The following CTNNA3 variants were observed in gnomAD, a reference collection of about 807,000 sequenced individuals.
CTNNA3 encodes the protein catenin alpha 3.
A neutral mutation model predicts 95.7 loss-of-function variants in CTNNA3; 76 were observed. The observed-to-expected ratio is 0.79, with a 90% confidence interval of 0.66 to 0.96. The LOEUF (loss-of-function observed/expected upper bound fraction) is 0.96. CTNNA3 is among the 40% of genes least tolerant of loss of function. The pLI, the probability that CTNNA3 is intolerant of heterozygous loss-of-function variation, is 0.00. For missense variants in CTNNA3, 1,191 were observed against 1,089.8 expected, an observed-to-expected ratio of 1.09 and a Z score of -1.31; for synonymous variants, 431 against 374.4, an observed-to-expected ratio of 1.15 and a Z score of -1.74.
chr10:67,407,742 C>T (rs139933778), intron 5 of CTNNA3, among the ~76,000 whole-genome samples: 23 of 152,184 alleles, frequency 1.5e-4, no homozygotes, highest in South Asian at 8.3e-4. Context: ...AATCAATGTG[C>T]GAAAATCACT....
chr10:67,283,839 C>T (rs1028136081), intron 5 of CTNNA3, among the ~76,000 whole-genome samples: 2 of 152,142 alleles, frequency 1.3e-5, no homozygotes, highest in Non-Finnish European at 2.9e-5. Flanking sequence ...TGTTTGGACT[C>T]GCCACCACTA....
At chr10:66,334,395 C>T (rs1192638795) in intron 12 of CTNNA3, among the ~76,000 whole-genome samples, 2 of 151,694 alleles carry the variant, frequency 1.3e-5, no homozygotes, top group East Asian at 1.9e-4. Context: ...GTAGTGCTTC[C>T]TTCAGGAGCT....
At chr10:66,995,996 T>C (rs1221414577) in intron 7 of CTNNA3, among the ~76,000 whole-genome samples, 7 of 152,222 alleles carry the variant, frequency 4.6e-5, no homozygotes, top group Non-Finnish European at 7.3e-5. Context: ...CTTACTATTA[T>C]ATCCTACACA....
chr10:66,302,216 A>C lies in CTNNA3; in HGVS notation c.1733-21595T>G, dbSNP rs10997046. On this transcript the variant is annotated intron_variant, in intron 12 of 17. Transcript: ENST00000433211. ...GAGTTCCGGTGCCTAGATAGGACTC[A>C]GTATGGTCTAGATGTCAGTCTTTCC... 4.6e-5 allele frequency among the ~76,000 whole-genome samples: 7 copies of C among 151,946 alleles called. No individual in the cohort carries two copies. The East Asian group carries it at 1.3e-3, about 29-fold the overall frequency.
intron 12 of CTNNA3, among the ~76,000 whole-genome samples, chr10:66,328,911 C>CATACATATATATATATATATAT (rs1554935013): frequency 6.9e-5 from 6 of 86,472 alleles, no homozygotes; most frequent in Non-Finnish European, 1.2e-4. Context: ...CACATATATA[C>CATACATATATATATATATATAT]ATATATATAT....
At chr10:66,778,925 G>A (rs1278573638) in intron 7 of CTNNA3, among the ~76,000 whole-genome samples, 3 of 152,152 alleles carry the variant, frequency 2.0e-5, no homozygotes, top group Non-Finnish European at 2.9e-5. Context: ...GCAGTGAGCC[G>A]AGATCGCGCC....
intron 15 of CTNNA3, among the ~76,000 whole-genome samples, chr10:66,023,357 T>C (rs1354429836): frequency 6.6e-6 from 1 of 151,800 alleles, no homozygotes; most frequent in Admixed American, 6.6e-5. Flanking sequence ...ACTTGTTACT[T>C]ATCTGTTAAC....
intron 5 of CTNNA3, among the ~76,000 whole-genome samples, chr10:67,446,611 T>A (rs1382025678): frequency 6.6e-6 from 1 of 152,216 alleles, no homozygotes; most frequent in Non-Finnish European, 1.5e-5. Flanking sequence ...GTAAGTACTT[T>A]CTTCTCGCTT....
chr10:67,047,085 G>A (rs1416002793), intron 7 of CTNNA3, among the ~76,000 whole-genome samples: 1 of 152,160 alleles, frequency 6.6e-6, no homozygotes, highest in Non-Finnish European at 1.5e-5. Context: ...CCAGAGATGA[G>A]TTTAGACAGA....
rs370224610 is a variant in CTNNA3 at position 67,061,902 on chromosome 10, A to G, written c.1047+118415T>C. ...GTTCTAGATTCATGCAGAGTTTTAT[A>G]GAATTGGTGCAAAGTATTAGAAAAT... On this transcript the variant is annotated intron_variant, in intron 7 of 17. Coordinates refer to ENST00000433211, the MANE Select transcript of CTNNA3 (RefSeq NM_013266.4). Among the ~76,000 whole-genome samples the G allele has an allele frequency of 3.7e-4, 57 of 152,308 alleles. 2 individuals are homozygous for G. The South Asian group carries it at 0.012, about 32-fold the overall frequency.
intron 5 of CTNNA3, among the ~76,000 whole-genome samples, chr10:67,403,196 A>T (rs1359136614): frequency 1.3e-5 from 2 of 151,902 alleles, no homozygotes; most frequent in Non-Finnish European, 2.9e-5. Context: ...TGGCCAGACT[A>T]CTTCTTTAAG....
intron 6 of CTNNA3, among the ~76,000 whole-genome samples, chr10:67,184,571 GTTAA>G (rs1219779776): frequency 2.6e-5 from 4 of 152,164 alleles, no homozygotes; most frequent in East Asian, 1.9e-4. Flanking sequence ...TGTTTGTGCT[GTTAA>G]TTGTCAGTCC....
chr10:67,562,636 C>T (rs1841563095), intron 3 of CTNNA3, among the ~76,000 whole-genome samples: 1 of 152,084 alleles, frequency 6.6e-6, no homozygotes, highest in Non-Finnish European at 1.5e-5. Flanking sequence ...AAGTTCTGGC[C>T]AGGGCAATCA....
Position 66,379,241 on chromosome 10 carries a change from G to A in CTNNA3, c.1643C>T (p.Ala548Val), listed in dbSNP as rs761169306. The A allele has an allele frequency of 6.3e-5, 102 of 1,614,144 alleles. 4 individuals carry two copies. The South Asian group carries it at 1.1e-3, about 18-fold the overall frequency. Residue 548 changes from alanine to valine, a missense_variant, in exon 12 of 18, where the codon GCT becomes GTT. Physicochemically the swap from Ala to Val is moderately conservative, Grantham distance 64. Transcript: ENST00000433211. Reference protein sequence around the residue: ...GAIRGRAARVAHIVTGEMDSY... With the variant: ...GAIRGRAARVVHIVTGEMDSY... The stretch of plus-strand genomic sequence containing the variant: ...GTCCATTTCACCCGTGACGATGTGA[G>A]CAACTCTTGCTGCCCGGCCTCTGAT...
intron 13 of CTNNA3, among the ~76,000 whole-genome samples, chr10:66,117,101 G>A (rs1235938367): frequency 6.6e-6 from 1 of 152,156 alleles, no homozygotes; most frequent in Non-Finnish European, 1.5e-5. Context: ...GGTTATTTGA[G>A]AGTTGGTGGG....
chr10:66,255,845 C>T (rs1474314323), intron 13 of CTNNA3, among the ~76,000 whole-genome samples: 1 of 152,222 alleles, frequency 6.6e-6, no homozygotes, highest in African/African-American at 2.4e-5. Context: ...TAGCCAGGAG[C>T]ACTCTAAGTT....
chr10:67,461,456 A>G (rs1157251796), intron 5 of CTNNA3, among the ~76,000 whole-genome samples: 1 of 152,130 alleles, frequency 6.6e-6, no homozygotes, highest in Non-Finnish European at 1.5e-5. Context: ...TAAGATAAAG[A>G]AAAGTGAAAA....
intron 7 of CTNNA3, among the ~76,000 whole-genome samples, chr10:67,102,702 G>C (rs1259915163): frequency 6.6e-6 from 1 of 151,830 alleles, no homozygotes; most frequent in Non-Finnish European, 1.5e-5. Flanking sequence ...AAGGAACCTT[G>C]AAATTGCTTT....
intron 10 of CTNNA3, among the ~76,000 whole-genome samples, chr10:66,617,007 G>T (rs114195330): frequency 0.034 from 5,165 of 151,828 alleles, 110 homozygotes; most frequent in African/African-American, 0.061. Context: ...CCTTCTCACT[G>T]ATTTATACAC....
Sources: allele counts gnomAD v4.1 joint callset (sites outside exome capture counted in the v4.1 genomes callset), GRCh38; gene constraint gnomAD v4.1.1; transcripts MANE v1.5; gene names NCBI Gene and HGNC (gene_info 2026-07-23, HGNC 2026-07-21).